IGF2R: variants seen among roughly 807,000 people sequenced by gnomAD.
The protein encoded by IGF2R is cation-independent mannose-6-phosphate receptor.
IGF2R carries 91 observed loss-of-function variants against 270.6 expected under a neutral mutation model. The observed-to-expected ratio is 0.34, with a 90% CI of 0.28 to 0.40. The LOEUF is 0.40. Ranked by LOEUF, IGF2R falls within the 10% of genes least tolerant of loss-of-function variation. The pLI, the probability that IGF2R is intolerant of heterozygous loss-of-function variation, is 1.00. For synonymous variants in IGF2R, 1,316 were observed against 1,258.9 expected (o/e 1.05, Z -0.96); for missense variants, 2,805 against 3,188.3 (o/e 0.88, Z 2.90).
Position 160,106,827 on chromosome 6 carries a change from A to G in IGF2R, c.*1743A>G, listed in dbSNP as rs577913227. The G allele has an allele frequency of 6.6e-6, 1 of 152,266 alleles. No homozygotes were observed. Among genetic ancestry groups the G allele is most frequent in the African/African-American group, 2.4e-5 (1 of 41,562 alleles). 9.4% of individuals were successfully genotyped at this position (152,266 alleles called of 1,614,324 possible). A position where few individuals can be genotyped will look rare whatever the true frequency, so the allele number is the denominator to read the frequency against. On this transcript the variant is annotated 3_prime_UTR_variant, in exon 48 of 48. Transcript: ENST00000356956. Reference sequence around the variant, plus strand: ...GGGTGTGGTCCTGTTCATCAAAACAATGAACATGGAGTTTAGAGTCCAGTG... The same window carrying G: ...GGGTGTGGTCCTGTTCATCAAAACAGTGAACATGGAGTTTAGAGTCCAGTG...
At chr6:159,980,221 A>AGAGAGAGAGAG (rs1562330598) in intron 1 of IGF2R, among the ~76,000 whole-genome samples, 1 of 138,202 alleles carries the variant, frequency 7.2e-6, no homozygotes, top group Non-Finnish European at 1.6e-5. Flanking sequence ...GAAAGAAAGA[A>AGAGAGAGAGAG]AGAAAGAAAG....
rs539097098 is a variant in IGF2R, at chr6:160,107,987, C to G, written c.*2903C>G. The G allele has an allele frequency of 3.3e-5, 5 of 152,232 alleles. No individual in the cohort carries two copies. The highest frequency in any genetic ancestry group is 5.9e-5 in the Non-Finnish European group (4 of 68,046). The allele number at this position is 152,232 out of a possible 1,614,324, so 9.4% of individuals were successfully genotyped here. On this transcript the variant is annotated 3_prime_UTR_variant, in exon 48 of 48. Coordinates refer to ENST00000356956, the MANE Select transcript of IGF2R (RefSeq NM_000876.4). Reference sequence around the variant, plus strand: ...AAAGAACACTTTGGGCTGGTCCGATCCATTGTACAAGTTAAAGCACTGATG... The same window carrying G: ...AAAGAACACTTTGGGCTGGTCCGATGCATTGTACAAGTTAAAGCACTGATG...
chr6:160,056,246 G>A (rs1189718340), intron 19 of IGF2R, among the ~76,000 whole-genome samples, 178 bp from the exon 20 acceptor site: 1 of 152,196 alleles, frequency 6.6e-6, no homozygotes, highest in African/African-American at 2.4e-5. Flanking sequence ...TCTTCATAGG[G>A]AGAATGAGAA....
intron 44 of IGF2R, 169 bp downstream of exon 44, chr6:160,090,272 G>C: frequency 2.2e-6 from 1 of 462,206 alleles, no homozygotes; most frequent in South Asian, 4.4e-5. Flanking sequence ...TGAGCGATAC[G>C]TGTCAGAACT....
rs1031197242 is a variant in IGF2R at position 160,017,342 on chromosome 6, G to A, written c.513+6557G>A. Among the ~76,000 whole-genome samples the A allele has an allele frequency of 4.6e-5, 7 of 152,278 alleles. No homozygotes were observed. In the South Asian group the frequency reaches 1.0e-3, roughly 23 times the overall value. On this transcript the variant is annotated intron_variant, in intron 4 of 47. Coordinates refer to ENST00000356956, the MANE Select transcript of IGF2R (RefSeq NM_000876.4). ...AAACAAAGATTCAAAGGAAATGAAC[G>A]AAGTGTTTGAGAAACGTGGGACTAC...
In IGF2R at chr6:160,061,834, C is replaced by T. The variant is rs780352875; in HGVS notation, c.3488C>T (p.Ala1163Val). The change falls in exon 25 of 48, where the codon GCG becomes GTG. Residue 1163 changes from alanine to valine, a missense_variant. By Grantham distance (64) the Ala-to-Val change is moderately conservative. Transcript: ENST00000356956. ...GVVQMSPQAA[A>V]NGSLSIMYVN... The stretch of plus-strand genomic sequence containing the variant: ...GTGCAGATGAGTCCCCAAGCCGCGG[C>T]GAATGGATCTTTGAGCATCATGTAT... 2.7e-5 allele frequency: 43 copies of T among 1,613,978 alleles called. No homozygotes were observed. Among genetic ancestry groups the T allele is most frequent in the African/African-American group, 2.5e-4 (19 of 74,896 alleles).
chr6:160,080,418 C>T lies in IGF2R; in HGVS notation c.5833+143C>T, dbSNP rs113195286. The T allele has an allele frequency of 7.1e-6, 6 of 839,972 alleles. No individual in the cohort carries two copies. The African/African-American group carries it at 8.6e-5, about 12-fold the overall frequency. 52.0% of individuals were successfully genotyped at this position (839,972 alleles called of 1,614,324 possible). On this transcript the variant is annotated intron_variant, in intron 39 of 47. Transcript: ENST00000356956. Reference sequence around the variant, plus strand: ...ATATTTTCTTACTCGGGCTGTTTCCCACAGAGAAACGTTTGAATTGCTCTG... The same window carrying T: ...ATATTTTCTTACTCGGGCTGTTTCCTACAGAGAAACGTTTGAATTGCTCTG...
intron 47 of IGF2R, among the ~76,000 whole-genome samples, 156 bp from the exon 48 acceptor site, chr6:160,104,518 C>T (rs76636111): frequency 1.3e-5 from 2 of 152,054 alleles, no homozygotes; most frequent in African/African-American, 4.8e-5. Context: ...CCTCGTCTTC[C>T]TTTCCCTGGG....
rs765434702 is a variant in IGF2R, at chr6:160,062,557, A to G, written c.3608A>G (p.Asp1203Gly). ...GGCTCACCAGCATTTCAGCTTCAGG[A>G]TGGTTGTGAGTACGTGTTTATCTGG... is the stretch of plus-strand genomic sequence containing the variant. The part of the protein sequence containing the change: ...ISGSPAFQLQ[D>G]GCEYVFIWRT... Residue 1203 changes from aspartate to glycine, a missense_variant, in exon 26 of 48, where the codon GAT (aspartate) becomes GGT (glycine). Around this residue, in one of 2 missense-constraint regions of IGF2R, gnomAD observed 1,851 missense variants for 2,207.2 expected, o/e 0.84. Coordinates refer to ENST00000356956, the MANE Select transcript of IGF2R (RefSeq NM_000876.4). 19 of 1,613,714 alleles carry G rather than the reference A, an allele frequency of 1.2e-5. 2 individuals are homozygous for G. In the South Asian group the frequency reaches 1.9e-4, roughly 16 times the overall value.
intron 12 of IGF2R, 70 bp from the exon 13 acceptor site, chr6:160,044,444 A>T: frequency 1.7e-6 from 2 of 1,196,210 alleles, no homozygotes; most frequent in South Asian, 2.8e-5. Context: ...TTTTTTTTTA[A>T]GTCACTTCTT....
chr6:160,064,990 A>C, intron 29 of IGF2R, 89 bp downstream of exon 29: 1 of 833,650 alleles, frequency 1.2e-6, no homozygotes, highest in Non-Finnish European at 2.1e-6. Flanking sequence ...GCAGGGGATT[A>C]GATTAGTCAG....
intron 10 of IGF2R, 26 bp downstream of exon 10, chr6:160,034,548 C>G (rs774680223): frequency 7.0e-7 from 1 of 1,422,252 alleles, no homozygotes; most frequent in South Asian, 1.1e-5. Context: ...AGTTCAGCCC[C>G]TCCTCTTTGC....
chr6:160,055,913 C>T (rs3777411), intron 19 of IGF2R, among the ~76,000 whole-genome samples: 27,411 of 151,952 alleles, frequency 0.18, 2,702 homozygotes, highest in East Asian at 0.34. Flanking sequence ...CAGATGATAA[C>T]GTGACACAGC....
intron 42 of IGF2R, 56 bp from the exon 43 acceptor site, chr6:160,089,051 T>A: frequency 1.2e-5 from 19 of 1,570,058 alleles, no homozygotes; most frequent in Non-Finnish European, 1.6e-5. Flanking sequence ...TGTTTTGCAG[T>A]CTTCCCTTAT....
At chr6:159,971,033 G>C (rs946907635) in intron 1 of IGF2R, among the ~76,000 whole-genome samples, 2 of 152,222 alleles carry the variant, frequency 1.3e-5, no homozygotes, top group African/African-American at 4.8e-5. Flanking sequence ...AGTTGTGATC[G>C]AGTCGAGTTG....
At chr6:159,993,985 A>ATGTTTTT (rs1784015489) in intron 2 of IGF2R, among the ~76,000 whole-genome samples, 1 of 61,030 alleles carries the variant, frequency 1.6e-5, no homozygotes, top group Non-Finnish European at 3.1e-5. Flanking sequence ...CTCCAACTTG[A>ATGTTTTT]TTTTTTTTTT....
intron 25 of IGF2R, 25 bp downstream of exon 25, chr6:160,061,953 A>T: frequency 6.2e-7 from 1 of 1,607,342 alleles, no homozygotes. Context: ...CAGCAATGAG[A>T]TGTTGTCCCC....
chr6:159,981,733 C>A (rs1195982264), intron 1 of IGF2R, among the ~76,000 whole-genome samples: 1 of 152,180 alleles, frequency 6.6e-6, no homozygotes, highest in East Asian at 1.9e-4. Context: ...CTTCATGGCA[C>A]CTTTCTTAGG....
At chr6:160,006,411 G>A (rs149550961) in intron 2 of IGF2R, 3,823 of 153,262 alleles carry the variant, frequency 0.025, 61 homozygotes, top group Non-Finnish European at 0.036. Flanking sequence ...GACAGTGGGA[G>A]CTGTCCAGGC....
Sources: gnomAD v4.1 joint callset for allele counts (sites outside exome capture counted in the v4.1 genomes callset) on GRCh38, gnomAD v4.1.1 for gene constraint, gnomAD v4.1.1 regional missense constraint, MANE v1.5 for transcripts, NCBI Gene and HGNC (gene_info 2026-07-23, HGNC 2026-07-21) for gene names.